Variants in EPHA5 observed in about 807,000 individuals in gnomAD.
The protein encoded by EPHA5 is ephrin type-A receptor 5.
Under a neutral mutation model 105.0 loss-of-function variants are expected in EPHA5, and 60 were observed. The observed-to-expected ratio is 0.57, with a 90% CI of 0.46 to 0.71. The LOEUF (loss-of-function observed/expected upper bound fraction) is 0.71. EPHA5 is among the 30% of genes least tolerant of loss of function. The pLI is 0.00. For synonymous variants in EPHA5, 513 were observed against 449.1 expected, an observed-to-expected ratio of 1.14 and a Z score of -1.80; for missense variants, 1,218 against 1,274.7, an observed-to-expected ratio of 0.96 and a Z score of 0.68.
At chr4:65,502,964 C>T (rs937113177) in intron 3 of EPHA5, among the ~76,000 whole-genome samples, 24 of 151,742 alleles carry the variant, frequency 1.6e-4, no homozygotes, top group Non-Finnish European at 2.4e-4. Flanking sequence ...TCCTTTGCAG[C>T]AACATGGATG....
chr4:65,367,483 G>A, intron 8 of EPHA5, 59 bp from the exon 9 acceptor site: 1 of 1,496,896 alleles, frequency 6.7e-7, no homozygotes, highest in Non-Finnish European at 9.3e-7. Flanking sequence ...GTCACATCAA[G>A]CCCAGAAGCA....
At chr4:65,505,916 T>C (rs1220885512) in intron 3 of EPHA5, among the ~76,000 whole-genome samples, 1 of 152,148 alleles carries the variant, frequency 6.6e-6, no homozygotes, top group Non-Finnish European at 1.5e-5. Flanking sequence ...TTGTTACATA[T>C]GTATACATGT....
At chr4:65,403,349 T>C (rs911604718) in intron 8 of EPHA5, among the ~76,000 whole-genome samples, 5 of 152,064 alleles carry the variant, frequency 3.3e-5, no homozygotes, top group Non-Finnish European at 5.9e-5. Flanking sequence ...ACAAAATCAA[T>C]ATGAACATTG....
intron 5 of EPHA5, among the ~76,000 whole-genome samples, chr4:65,431,121 C>A (rs73220337): frequency 0.032 from 4,793 of 152,106 alleles, 253 homozygotes; most frequent in African/African-American, 0.11. Flanking sequence ...TGAAAATAAG[C>A]CAAGATAAAT....
chr4:65,486,711 A>G lies in EPHA5; in HGVS notation c.1402+3666T>C, dbSNP rs549751915. Among the ~76,000 whole-genome samples the G allele has an allele frequency of 4.2e-4, 64 of 152,374 alleles. No homozygotes were observed. In the South Asian group the frequency reaches 0.013, roughly 31 times the overall value. On this transcript the variant is annotated intron_variant, in intron 5 of 16. Coordinates refer to ENST00000613740, the MANE Select transcript of EPHA5 (RefSeq NM_001281766.3). ...AAACTACTACAAAACACTTTCTGCA[A>G]TTTGGGTACTTAAAAAGTGTTTTGC...
intron 3 of EPHA5, among the ~76,000 whole-genome samples, chr4:65,501,228 C>A (rs1178689773): frequency 6.6e-6 from 1 of 151,320 alleles, no homozygotes; most frequent in Non-Finnish European, 1.5e-5. Flanking sequence ...AGCATTTTAT[C>A]TTCATATTTA....
At chr4:65,629,304 G>A (rs11131606) in intron 2 of EPHA5, among the ~76,000 whole-genome samples, 1 of 152,100 alleles carries the variant, frequency 6.6e-6, no homozygotes, top group African/African-American at 2.4e-5. Context: ...AGGAAACAAT[G>A]AGCTAATAGG....
At chr4:65,417,568 G>A (rs1222808300) in intron 6 of EPHA5, among the ~76,000 whole-genome samples, 1 of 151,876 alleles carries the variant, frequency 6.6e-6, no homozygotes, top group Non-Finnish European at 1.5e-5. Context: ...AATGTAAATA[G>A]GCAACTTATT....
At chr4:65,364,440 TAA>T (rs1193591655) in intron 11 of EPHA5, among the ~76,000 whole-genome samples, 1 of 151,672 alleles carries the variant, frequency 6.6e-6, no homozygotes, top group Non-Finnish European at 1.5e-5. Flanking sequence ...TAACACAAAT[TAA>T]AAGAGATGTA....
intron 2 of EPHA5, among the ~76,000 whole-genome samples, chr4:65,623,306 G>A (rs1227755810): frequency 2.0e-5 from 3 of 151,936 alleles, no homozygotes; most frequent in Non-Finnish European, 4.4e-5. Flanking sequence ...CAGTCCCAGA[G>A]TCCTGAAACC....
At chr4:65,336,247 CATT>C in intron 14 of EPHA5, 122 bp from the exon 15 acceptor site, 1 of 599,832 alleles carries the variant, frequency 1.7e-6, no homozygotes, top group Non-Finnish European at 2.5e-6. Context: ...TAACAACTAG[CATT>C]ACTGTCTTTA....
chr4:65,347,188 G>T (rs1003476167), intron 14 of EPHA5, among the ~76,000 whole-genome samples: 1 of 141,138 alleles, frequency 7.1e-6, no homozygotes, highest in South Asian at 2.3e-4. Flanking sequence ...GAGTGAAAAA[G>T]TGTTTCAAAT....
At chr4:65,377,020 C>T (rs2148919912) in intron 8 of EPHA5, 1 of 1,608,828 alleles carries the variant, frequency 6.2e-7, no homozygotes, top group East Asian at 2.2e-5. Context: ...GGATGGGCAA[C>T]AGCGCACAGG....
intron 2 of EPHA5, among the ~76,000 whole-genome samples, chr4:65,620,084 G>T (rs73824357): frequency 7.1e-6 from 1 of 140,498 alleles, no homozygotes; most frequent in Non-Finnish European, 1.5e-5. Context: ...AACTACACCA[G>T]ATCTACAGAA....
At chr4:65,390,344 T>G (rs2148953936) in intron 8 of EPHA5, among the ~76,000 whole-genome samples, 1 of 152,058 alleles carries the variant, frequency 6.6e-6, no homozygotes, top group Non-Finnish European at 1.5e-5. Flanking sequence ...CCAGAATTCT[T>G]CAAACTAGCC....
At position 65,352,521 on chromosome 4, in the gene EPHA5, T is replaced by C. The variant is rs28417044; in HGVS notation, c.2235+521A>G. 7.7e-3 allele frequency among the ~76,000 whole-genome samples: 1,176 copies of C among 152,136 alleles called. 16 individuals carry two copies. Among genetic ancestry groups the C allele is most frequent in the African/African-American group, 0.027 (1,110 of 41,540 alleles). ...ATCTTTCCCTGAAACGCTGGTGATCTGATAATATTAGCTATTGTCAATTAC... is the reference window on the plus strand; with the variant it reads ...ATCTTTCCCTGAAACGCTGGTGATCCGATAATATTAGCTATTGTCAATTAC... On this transcript the variant is annotated intron_variant, in intron 12 of 16. Coordinates refer to ENST00000613740, the MANE Select transcript of EPHA5 (RefSeq NM_001281766.3).
intron 5 of EPHA5, among the ~76,000 whole-genome samples, chr4:65,455,086 A>G (rs1022077060): frequency 1.3e-5 from 2 of 152,062 alleles, no homozygotes; most frequent in African/African-American, 4.8e-5. Context: ...ACAAAAAATT[A>G]GCTGGGAGCA....
chr4:65,543,796 C>T (rs965958931), intron 3 of EPHA5, among the ~76,000 whole-genome samples: 1 of 151,572 alleles, frequency 6.6e-6, no homozygotes, highest in South Asian at 2.1e-4. Context: ...ACAAAGCCAG[C>T]GATATCACAC....
At chr4:65,564,138 C>T (rs181841949) in intron 3 of EPHA5, among the ~76,000 whole-genome samples, 6 of 151,800 alleles carry the variant, frequency 4.0e-5, no homozygotes, top group African/African-American at 1.5e-4. Flanking sequence ...CATATTTCAC[C>T]CTGTATTTCT....
Sources: gnomAD v4.1 joint callset for allele counts (sites outside exome capture counted in the v4.1 genomes callset) on GRCh38, gnomAD v4.1.1 for gene constraint, MANE v1.5 for transcripts, NCBI Gene and HGNC (gene_info 2026-07-23, HGNC 2026-07-21) for gene names.